Variants in SPAG16 observed in about 807,000 individuals in gnomAD.
SPAG16 encodes the protein sperm-associated antigen 16 protein.
A neutral mutation model predicts 80.4 loss-of-function variants in SPAG16; 86 were observed. The ratio of observed to expected loss-of-function variants is 1.07; its 90% CI spans 0.90 to 1.28. The LOEUF (loss-of-function observed/expected upper bound fraction) is 1.28, where lower values mean the gene tolerates loss of function less well. Ranked by LOEUF, SPAG16 falls within the 50% of genes most tolerant of loss-of-function variation. SPAG16 has a pLI of 0.00. For synonymous variants in SPAG16, 294 were observed against 265.9 expected (o/e 1.11, Z -1.03); for missense variants, 870 against 765.3 (o/e 1.14, Z -1.61).
chr2:213,963,778 G>T (rs892743777), intron 12 of SPAG16, among the ~76,000 whole-genome samples: 1 of 152,036 alleles, frequency 6.6e-6, no homozygotes, highest in Non-Finnish European at 1.5e-5. Flanking sequence ...GGACATCCCT[G>T]TTTAACTTCC....
At chr2:213,526,368 T>C (rs539180196) in intron 10 of SPAG16, among the ~76,000 whole-genome samples, 1 of 152,202 alleles carries the variant, frequency 6.6e-6, no homozygotes, top group Admixed American at 6.5e-5. Flanking sequence ...TTATTTTCAT[T>C]ATTTTCTCTT....
intron 9 of SPAG16, among the ~76,000 whole-genome samples, chr2:213,426,206 A>G (rs1199257492): frequency 1.3e-5 from 2 of 152,132 alleles, no homozygotes; most frequent in African/African-American, 4.8e-5. Context: ...TGTCTTGTAC[A>G]TTGCAAATAT....
At chr2:213,596,374 A>T (rs1400954447) in intron 10 of SPAG16, among the ~76,000 whole-genome samples, 4 of 152,070 alleles carry the variant, frequency 2.6e-5, no homozygotes, top group Non-Finnish European at 5.9e-5. Context: ...AATAACATTT[A>T]TTTAGGCCTT....
intron 10 of SPAG16, among the ~76,000 whole-genome samples, chr2:213,606,117 A>T (rs1484026893): frequency 1.3e-5 from 2 of 152,196 alleles, no homozygotes; most frequent in East Asian, 1.9e-4. Flanking sequence ...TATTGCTGAG[A>T]TGTATCCAAG....
At chr2:213,626,743 G>A (rs2061976343) in intron 10 of SPAG16, among the ~76,000 whole-genome samples, 1 of 147,666 alleles carries the variant, frequency 6.8e-6, no homozygotes, top group South Asian at 2.1e-4. Context: ...CGCCTCCTGA[G>A]TTCAAGCAAT....
At chr2:214,359,597 A>G (rs1490951515) in intron 15 of SPAG16, among the ~76,000 whole-genome samples, 2 of 151,864 alleles carry the variant, frequency 1.3e-5, no homozygotes, top group Non-Finnish European at 2.9e-5. Flanking sequence ...TTAACTTTCA[A>G]ATTGGTCACT....
intron 10 of SPAG16, among the ~76,000 whole-genome samples, chr2:213,813,538 G>A (rs959669186): frequency 6.6e-5 from 10 of 152,100 alleles, no homozygotes; most frequent in Non-Finnish European, 7.4e-5. Context: ...TTCTGCTAGA[G>A]GAGGACAGGA....
intron 15 of SPAG16, among the ~76,000 whole-genome samples, chr2:214,286,522 A>C (rs1043607332): frequency 3.9e-5 from 6 of 152,186 alleles, no homozygotes; most frequent in African/African-American, 1.4e-4. Flanking sequence ...TAAGGTGGGC[A>C]TATCACTTGA....
intron 15 of SPAG16, among the ~76,000 whole-genome samples, chr2:214,231,560 T>G (rs1163476650): frequency 6.6e-6 from 1 of 152,058 alleles, no homozygotes; most frequent in Non-Finnish European, 1.5e-5. Context: ...AAATTTCTAT[T>G]TTCCTATTAA....
At chr2:213,880,143 A>AT (rs1400085012) in intron 11 of SPAG16, among the ~76,000 whole-genome samples, 1 of 151,990 alleles carries the variant, frequency 6.6e-6, no homozygotes, top group South Asian at 2.1e-4. Flanking sequence ...AATAGCTGTT[A>AT]TTTTTTTACT....
In SPAG16 at chr2:213,755,810, A is replaced by G. The variant is rs534859677; in HGVS notation, c.1071-106675A>G. ...CCCAAGAGCACTGCATGAGATATGT[A>G]ACTAATAGAGAGGAATCTGTAATAA... is the stretch of plus-strand genomic sequence containing the variant. On this transcript the variant is annotated intron_variant, in intron 10 of 15. Coordinates refer to ENST00000331683, the MANE Select transcript of SPAG16 (RefSeq NM_024532.5). Among the ~76,000 whole-genome samples, 4 of 152,336 alleles carry G rather than the reference A, an allele frequency of 2.6e-5. No individual in the cohort carries two copies. The South Asian group carries it at 8.3e-4, about 32-fold the overall frequency.
chr2:214,167,168 G>A (rs967957216), intron 15 of SPAG16, among the ~76,000 whole-genome samples: 2 of 152,128 alleles, frequency 1.3e-5, no homozygotes, highest in African/African-American at 4.8e-5. Context: ...CACTTACATA[G>A]CATAATTCTA....
chr2:213,883,270 G>C (rs1434599881), intron 11 of SPAG16, among the ~76,000 whole-genome samples: 1 of 152,174 alleles, frequency 6.6e-6, no homozygotes, highest in African/African-American at 2.4e-5. Context: ...CCACCCAGGA[G>C]TTATTGAGGA....
At chr2:214,089,954 G>C (rs544004479) in intron 13 of SPAG16, among the ~76,000 whole-genome samples, 1 of 151,692 alleles carries the variant, frequency 6.6e-6, no homozygotes, top group African/African-American at 2.4e-5. Context: ...CTGCTCCCTG[G>C]GCAACTAACT....
At chr2:214,329,454 T>C (rs1696733924) in intron 15 of SPAG16, among the ~76,000 whole-genome samples, 1 of 152,238 alleles carries the variant, frequency 6.6e-6, no homozygotes, top group Non-Finnish European at 1.5e-5. Flanking sequence ...ATAGCAGTAT[T>C]GTCTGTTCTG....
At chr2:214,140,667 C>G (rs188886263) in intron 14 of SPAG16, among the ~76,000 whole-genome samples, 6 of 151,650 alleles carry the variant, frequency 4.0e-5, no homozygotes, top group Admixed American at 1.3e-4. Flanking sequence ...CTAGAGTATT[C>G]CCTTTATTAT....
intron 13 of SPAG16, among the ~76,000 whole-genome samples, chr2:214,039,737 C>T (rs930706634): frequency 3.3e-5 from 5 of 152,202 alleles, no homozygotes. Context: ...GAAAATGCTA[C>T]TCCTCTCTAC....
chr2:213,604,804 A>G (rs138908349), intron 10 of SPAG16, among the ~76,000 whole-genome samples: 1 of 151,724 alleles, frequency 6.6e-6, no homozygotes, highest in African/African-American at 2.4e-5. Context: ...CAAGAAAAAA[A>G]CCTAAATTTG....
At chr2:213,996,949 A>G (rs2046550058) in intron 12 of SPAG16, among the ~76,000 whole-genome samples, 1 of 152,026 alleles carries the variant, frequency 6.6e-6, no homozygotes, top group Non-Finnish European at 1.5e-5. Context: ...TTTTTCTTAT[A>G]TGTTATATTC....
Sources: gnomAD v4.1 joint callset for allele counts (sites outside exome capture counted in the v4.1 genomes callset) on GRCh38, gnomAD v4.1.1 for gene constraint, MANE v1.5 for transcripts, NCBI Gene and HGNC (gene_info 2026-07-23, HGNC 2026-07-21) for gene names.